The following KSR2 variants were observed in gnomAD, a reference collection of about 807,000 sequenced individuals.
KSR2 encodes the protein kinase suppressor of ras 2.
In KSR2, 25 loss-of-function variants were observed where a neutral mutation model predicts 107.8. The ratio of observed to expected loss-of-function variants is 0.23; its 90% confidence interval spans 0.17 to 0.32. KSR2 has a LOEUF of 0.32. KSR2 is among the 10% of genes least tolerant of loss of function. KSR2 has a pLI of 1.00. For synonymous variants in KSR2, 480 were observed against 507.0 expected (o/e 0.95, Z 0.71); for missense variants, 887 against 1,268.9 (o/e 0.70, Z 4.57).
rs1192989216 is a variant in KSR2, at chr12:117,531,819, G to A, written c.1688-112C>T. The A allele has an allele frequency of 7.1e-6, 5 of 701,660 alleles. No homozygotes were observed. In the Admixed American group the frequency reaches 1.6e-4, roughly 23 times the overall value. 43.5% of individuals were successfully genotyped at this position (701,660 alleles called of 1,614,324 possible). On this transcript the variant is annotated intron_variant, in intron 10 of 19. Transcript: ENST00000339824. The stretch of plus-strand genomic sequence containing the variant: ...GGTCATTCTCTGCCCACCTTCAAGA[G>A]TTTCCATACTTCTGCAGACATCCCT...
intron 7 of KSR2, among the ~76,000 whole-genome samples, chr12:117,565,091 T>C (rs1878383521): frequency 1.3e-5 from 2 of 152,164 alleles, no homozygotes; most frequent in South Asian, 2.1e-4. Context: ...AGATGTGTCA[T>C]GGCCCCCTGT....
At chr12:117,961,068 G>A (rs1288137554) in intron 1 of KSR2, among the ~76,000 whole-genome samples, 1 of 152,088 alleles carries the variant, frequency 6.6e-6, no homozygotes, top group Non-Finnish European at 1.5e-5. Flanking sequence ...CAAAGTGCCA[G>A]GATTACAGGT....
intron 2 of KSR2, among the ~76,000 whole-genome samples, chr12:117,859,732 C>G (rs1893225894): frequency 1.3e-5 from 2 of 152,202 alleles, no homozygotes; most frequent in African/African-American, 4.8e-5. Context: ...GCTGGGATCA[C>G]AGGCATGAGC....
intron 5 of KSR2, among the ~76,000 whole-genome samples, chr12:117,637,674 G>GTTTTTTTTTTTT (rs1593077593): frequency 2.7e-5 from 1 of 37,380 alleles, no homozygotes; most frequent in African/African-American, 1.3e-4. Flanking sequence ...GTCAGTTTTG[G>GTTTTTTTTTTTT]GTTTTTTTTT....
chr12:117,777,166 A>T (rs529916215), intron 3 of KSR2, among the ~76,000 whole-genome samples: 138 of 131,100 alleles, frequency 1.1e-3, no homozygotes, highest in African/African-American at 4.1e-3. Context: ...CACACCATAC[A>T]TATATACACT....
chr12:117,693,888 C>T (rs1031573151), intron 4 of KSR2, among the ~76,000 whole-genome samples: 17 of 152,170 alleles, frequency 1.1e-4, no homozygotes, highest in Non-Finnish European at 5.9e-5. Flanking sequence ...TGCTCTGACG[C>T]CTATGCCCTT....
chr12:117,595,032 G>A (rs193138382), intron 5 of KSR2, among the ~76,000 whole-genome samples: 10 of 152,256 alleles, frequency 6.6e-5, no homozygotes, highest in African/African-American at 2.4e-4. Context: ...TTAAATGCAT[G>A]GACAGATCTA....
At position 117,916,126 on chromosome 12, in the gene KSR2, TTTC is replaced by T. The variant is rs201634445; in HGVS notation, c.180+51947_180+51949del. ...AGACTTTTTAAATTTTGAGTTTTTATTTCTTCTTCTTTTTTTTTTTTTTTTTTT... is the reference window on the plus strand; with the variant it reads ...AGACTTTTTAAATTTTGAGTTTTTATTTCTTCTTTTTTTTTTTTTTTTTTT... On this transcript the variant is annotated intron_variant, in intron 1 of 19. Transcript: ENST00000339824. Among the ~76,000 whole-genome samples, 1,239 of 138,998 alleles carry T rather than the reference TTTC, an allele frequency of 8.9e-3. 54 individuals carry two copies. The highest frequency in any genetic ancestry group is 0.026 in the Middle Eastern group (7 of 268). The allele number at this position is 138,998 out of a possible 152,430, so 91.2% of individuals were successfully genotyped here. A position where few individuals can be genotyped will look rare whatever the true frequency, so the allele number is the denominator to read the frequency against.
intron 3 of KSR2, among the ~76,000 whole-genome samples, chr12:117,795,391 C>T (rs1890586490): frequency 1.3e-5 from 2 of 152,146 alleles, no homozygotes; most frequent in Non-Finnish European, 2.9e-5. Flanking sequence ...ATGATGCCAC[C>T]TTTTCACACG....
Position 117,533,852 on chromosome 12 carries a change from C to T in KSR2, c.1688-2145G>A, listed in dbSNP as rs150477579. Reference sequence around the variant, plus strand: ...GGACACCAGCAAATGCCTCCACACCCGAAGCCAACGCCCTCCTTGACTCCT... The same window carrying T: ...GGACACCAGCAAATGCCTCCACACCTGAAGCCAACGCCCTCCTTGACTCCT... On this transcript the variant is annotated intron_variant, in intron 10 of 19. Coordinates refer to ENST00000339824, the MANE Select transcript of KSR2 (RefSeq NM_173598.6). 1.2e-4 allele frequency among the ~76,000 whole-genome samples: 19 copies of T among 152,232 alleles called. No individual in the cohort carries two copies. The East Asian group carries it at 1.7e-3, about 14-fold the overall frequency.
At chr12:117,790,352 C>T (rs1426659081) in intron 3 of KSR2, among the ~76,000 whole-genome samples, 1 of 152,160 alleles carries the variant, frequency 6.6e-6, no homozygotes, top group African/African-American at 2.4e-5. Context: ...AGGCAAGGGG[C>T]AGGTAGATGA....
intron 4 of KSR2, among the ~76,000 whole-genome samples, chr12:117,725,321 T>C (rs957023941): frequency 1.3e-5 from 2 of 152,098 alleles, no homozygotes; most frequent in African/African-American, 2.4e-5. Context: ...CAGTGTGACA[T>C]TGTCTTAAGA....
At chr12:117,656,958 A>ATATATAT (rs1555225255) in intron 5 of KSR2, among the ~76,000 whole-genome samples, 7 of 87,928 alleles carry the variant, frequency 8.0e-5, no homozygotes, top group Admixed American at 1.3e-4. Flanking sequence ...ATATATATAT[A>ATATATAT]ATAGGATATA....
At chr12:117,718,688 G>A (rs1184860018) in intron 4 of KSR2, among the ~76,000 whole-genome samples, 1 of 152,210 alleles carries the variant, frequency 6.6e-6, no homozygotes, top group Non-Finnish European at 1.5e-5. Context: ...GAAGATTAAT[G>A]AGGTGACAGT....
chr12:117,793,942 C>A (rs534613455), intron 3 of KSR2, among the ~76,000 whole-genome samples: 1 of 131,432 alleles, frequency 7.6e-6, no homozygotes, highest in South Asian at 2.7e-4. Context: ...TGCACACATA[C>A]ACCAACATGC....
chr12:117,764,547 A>G (rs1889157605), intron 3 of KSR2, among the ~76,000 whole-genome samples: 1 of 152,184 alleles, frequency 6.6e-6, no homozygotes. Flanking sequence ...TTGCCATCAT[A>G]GATCATTCAA....
At chr12:117,766,475 T>C (rs1398966169) in intron 3 of KSR2, among the ~76,000 whole-genome samples, 1 of 152,178 alleles carries the variant, frequency 6.6e-6, no homozygotes, top group Non-Finnish European at 1.5e-5. Context: ...ATAGAGGTGG[T>C]GGTTGCACAA....
chr12:117,893,800 A>G (rs149796004), intron 1 of KSR2, among the ~76,000 whole-genome samples: 1,694 of 152,308 alleles, frequency 0.011, 32 homozygotes, highest in African/African-American at 0.039. Context: ...TTTGGGTGCA[A>G]AATTTAAGGA....
At chr12:117,472,414 G>A (rs1219177646) in intron 17 of KSR2, among the ~76,000 whole-genome samples, 1 of 152,174 alleles carries the variant, frequency 6.6e-6, no homozygotes, top group African/African-American at 2.4e-5. Context: ...GGATGCTAGG[G>A]TGTCACTGAG....
Sources: gnomAD v4.1 joint callset for allele counts (sites outside exome capture counted in the v4.1 genomes callset) on GRCh38, gnomAD v4.1.1 for gene constraint, MANE v1.5 for transcripts, NCBI Gene and HGNC (gene_info 2026-07-23, HGNC 2026-07-21) for gene names.